Variants in ADRA1D observed in about 807,000 individuals in gnomAD.
ADRA1D encodes the protein alpha-1D adrenergic receptor.
In ADRA1D, 22 loss-of-function variants were observed where a neutral mutation model predicts 18.6. The observed-to-expected ratio is 1.19, with a 90% CI of 0.85 to 1.69. ADRA1D has a LOEUF of 1.69. ADRA1D is among the 40% of genes most tolerant of loss of function. The probability of loss-of-function intolerance (pLI) is 0.00; values close to 1 mark genes in which losing one functional copy is unlikely to be tolerated. For synonymous variants in ADRA1D, 376 were observed against 388.2 expected (o/e 0.97, Z 0.37); for missense variants, 840 against 840.7 (o/e 1.00, Z 0.01).
intron 1 of ADRA1D, among the ~76,000 whole-genome samples, chr20:4,242,363 T>C (rs973987169): frequency 6.6e-6 from 1 of 152,248 alleles, no homozygotes; most frequent in African/African-American, 2.4e-5. Flanking sequence ...CTACACGTTT[T>C]ACGTCTCCCA....
rs1189521097 is a variant in ADRA1D at position 4,225,143 on chromosome 20, A to G, written c.1112-3013T>C. Among the ~76,000 whole-genome samples, 11 of 151,924 alleles carry G rather than the reference A, an allele frequency of 7.2e-5. No individual in the cohort carries two copies. The East Asian group carries it at 2.1e-3, about 30-fold the overall frequency. Reference sequence around the variant, plus strand: ...CAGCCTCCTGAGTAGCTGGGACTACAGGCACGCACCACCATGCCCAGCTAA... The same window carrying G: ...CAGCCTCCTGAGTAGCTGGGACTACGGGCACGCACCACCATGCCCAGCTAA... On this transcript the variant is annotated intron_variant, in intron 1 of 1. Transcript: ENST00000379453.
rs967579916 is a variant in ADRA1D at position 4,233,560 on chromosome 20, A to G, written c.1112-11430T>C. Among the ~76,000 whole-genome samples the G allele has an allele frequency of 4.6e-5, 7 of 152,192 alleles. No homozygotes were observed. In the South Asian group the frequency reaches 1.2e-3, roughly 27 times the overall value. On this transcript the variant is annotated intron_variant, in intron 1 of 1. Transcript: ENST00000379453. ...ACCATGAGATCTGTTAGAAAAAAAA[A>G]TCCTTCAAGAAGAACCCCTATCTCA... is the stretch of plus-strand genomic sequence containing the variant.
At position 4,248,904 on chromosome 20, in the gene ADRA1D, G is replaced by T. The variant is rs1981432843; in HGVS notation, c.54C>A (p.Ser18Arg). 4 of 1,308,618 alleles carry T rather than the reference G, an allele frequency of 3.1e-6. No individual in the cohort carries two copies. Among genetic ancestry groups the T allele is most frequent in the Non-Finnish European group, 9.8e-7 (1 of 1,016,320 alleles). 81.1% of individuals were successfully genotyped at this position (1,308,618 alleles called of 1,614,324 possible). Residue 18 changes from serine (S) to arginine (R), a missense_variant, in exon 1 of 2, where the codon AGC becomes AGA. Transcript: ENST00000379453. ...SVSFEGPRPD[S>R]SAGGSSAGGG... ...CGCCCGCGCTGGAGCCCCCTGCGCT[G>T]CTGTCCGGGCGGGGTCCCTCGAAAC...
rs922148910 is a variant in ADRA1D at position 4,248,869 on chromosome 20, C to T, written c.89G>A (p.Gly30Asp). 2 of 1,071,562 alleles carry T rather than the reference C, an allele frequency of 1.9e-6. No homozygotes were observed. The highest frequency in any genetic ancestry group is 2.3e-6 in the Non-Finnish European group (2 of 882,442). The allele number at this position is 1,071,562 out of a possible 1,614,324, so 66.4% of individuals were successfully genotyped here. Residue 30 changes from glycine (G) to aspartate (D), a missense_variant, in exon 1 of 2, where the codon GGC (glycine) becomes GAC (aspartate). Transcript: ENST00000379453. ...CGAGGGGGCCGCGCCGCCCGCGCTG[C>T]CCCCGCCGCCGCCCGCGCTGGAGCC... ...AGGSSAGGGGGSAGGAAPSEG... is the reference protein window; with the variant it reads ...AGGSSAGGGGDSAGGAAPSEG...
At chr20:4,241,862 C>A (rs6084670) in intron 1 of ADRA1D, among the ~76,000 whole-genome samples, 97,012 of 152,074 alleles carry the variant, frequency 0.64, 32,915 homozygotes, top group Non-Finnish European at 0.76. Context: ...CAGCCTCCCC[C>A]CTGCCTCCTC....
intron 1 of ADRA1D, among the ~76,000 whole-genome samples, chr20:4,225,749 G>T (rs1400640628): frequency 2.6e-5 from 4 of 152,116 alleles, no homozygotes; most frequent in Admixed American, 2.0e-4. Context: ...CATTTCTGTG[G>T]CTTTTGAGTG....
chr20:4,248,159 T>C lies in ADRA1D; in HGVS notation c.799A>G (p.Met267Val). Residue 267 changes from methionine to valine, a missense_variant, in exon 1 of 2, where the codon ATG becomes GTG. Coordinates refer to ENST00000379453, the MANE Select transcript of ADRA1D (RefSeq NM_000678.4). ...CAGTACATGACCACGATGACCGCCA[T>C]GGGCAGGTAGAAGGAGCACACGGAG... is the stretch of plus-strand genomic sequence containing the variant. ...FSSVCSFYLP[M>V]AVIVVMYCRV... 6.3e-7 allele frequency: 1 copy of C among 1,581,730 alleles called. No homozygotes were observed. Among genetic ancestry groups the C allele is most frequent in the Non-Finnish European group, 8.6e-7 (1 of 1,163,906 alleles).
intron 1 of ADRA1D, among the ~76,000 whole-genome samples, chr20:4,223,361 G>A (rs759721246): frequency 2.0e-4 from 30 of 152,146 alleles, no homozygotes; most frequent in Non-Finnish European, 3.2e-4. Flanking sequence ...TTGAAAGCGT[G>A]ACTCTGAGAA....
chr20:4,229,720 A>G (rs1386718835), intron 1 of ADRA1D, among the ~76,000 whole-genome samples: 1 of 152,060 alleles, frequency 6.6e-6, no homozygotes, highest in African/African-American at 2.4e-5. Context: ...CCCACCCTCA[A>G]TGCGCCCTCC....
rs147062281 is a variant in ADRA1D at position 4,231,028 on chromosome 20, C to T, written c.1112-8898G>A. Among the ~76,000 whole-genome samples, 465 of 141,522 alleles carry T rather than the reference C, an allele frequency of 3.3e-3. 1 individual carries two copies. The highest frequency in any genetic ancestry group is 9.5e-3 in the African/African-American group (345 of 36,376). 92.8% of individuals were successfully genotyped at this position (141,522 alleles called of 152,430 possible). A position where few individuals can be genotyped will look rare whatever the true frequency, so the allele number is the denominator to read the frequency against. On this transcript the variant is annotated intron_variant, in intron 1 of 1. Coordinates refer to ENST00000379453, the MANE Select transcript of ADRA1D (RefSeq NM_000678.4). Reference sequence around the variant, plus strand: ...CTTCTTTGCTTTCTTTTCTCTTTCTCTTTCTTTCTTTTTCTTTCTTTCTTT... The same window carrying T: ...CTTCTTTGCTTTCTTTTCTCTTTCTTTTTCTTTCTTTTTCTTTCTTTCTTT...
intron 1 of ADRA1D, among the ~76,000 whole-genome samples, chr20:4,230,173 C>T (rs1035319992): frequency 2.6e-5 from 4 of 152,246 alleles, no homozygotes; most frequent in Admixed American, 2.6e-4. Context: ...CTGTCTGGCT[C>T]AGCTTGCTCT....
intron 1 of ADRA1D, among the ~76,000 whole-genome samples, chr20:4,226,581 A>G (rs1339428404): frequency 6.6e-6 from 1 of 152,192 alleles, no homozygotes; most frequent in Non-Finnish European, 1.5e-5. Context: ...CCCATCAGTC[A>G]TTGTTTGGGC....
In ADRA1D at chr20:4,221,850, G is replaced by T; in HGVS notation, c.1392C>A (p.Leu464=). Residue 464 remains leucine, a synonymous_variant, in exon 2 of 2, where the codon CTC becomes CTA. Transcript: ENST00000379453. ...CGGGGTCGGGGTCGGGGAGCGCGGTGAGGGCCAGCGGCGCTCCGGGGGGCG... is the reference window on the plus strand; with the variant it reads ...CGGGGTCGGGGTCGGGGAGCGCGGTTAGGGCCAGCGGCGCTCCGGGGGGCG... ...GDAPPGAPLA[L]TALPDPDPEP... is the part of the protein sequence containing the mutation. 2.0e-6 allele frequency: 3 copies of T among 1,480,182 alleles called. No individual in the cohort carries two copies. The highest frequency in any genetic ancestry group is 2.6e-5 in the East Asian group (1 of 38,416). 91.7% of individuals were successfully genotyped at this position (1,480,182 alleles called of 1,614,324 possible).
Position 4,222,125 on chromosome 20 carries a change from A to G in ADRA1D, c.1117T>C (p.Leu373=). 6.2e-7 allele frequency: 1 copy of G among 1,612,324 alleles called. No individual in the cohort carries two copies. Among genetic ancestry groups the G allele is most frequent in the South Asian group, 1.1e-5 (1 of 91,050 alleles). The change falls in exon 2 of 2, where the codon TTG becomes CTG. Residue 373 remains leucine, a synonymous_variant. Coordinates refer to ENST00000379453, the MANE Select transcript of ADRA1D (RefSeq NM_000678.4). The surrounding 1 kb of genome is among the most constrained non-coding windows in gnomAD (Gnocchi z 4.3). ...TCCGATGGCTTCAGCTGCGGGAACA[A>G]GGAGCCTGTAGGGAGCAGAGACCGA... is the stretch of plus-strand genomic sequence containing the variant. ...PFFFVLPLGS[L]FPQLKPSEGV... is the part of the protein sequence containing the mutation.
At chr20:4,232,501 C>T (rs1051215820) in intron 1 of ADRA1D, among the ~76,000 whole-genome samples, 80 of 152,204 alleles carry the variant, frequency 5.3e-4, no homozygotes, top group African/African-American at 1.9e-3. Flanking sequence ...GCTCCACGTC[C>T]ATCCATCCAG....
In ADRA1D at chr20:4,232,817, A is replaced by G. The variant is rs904953910; in HGVS notation, c.1112-10687T>C. 7.9e-5 allele frequency among the ~76,000 whole-genome samples: 12 copies of G among 152,306 alleles called. 1 individual carries two copies. The highest frequency in any genetic ancestry group is 2.4e-4 in the African/African-American group (10 of 41,576). ...TTCCCAAGGGGACAGCCTGCAGCCAATGACAGACTGATGTGGTGATAGAGA... is the reference window on the plus strand; with the variant it reads ...TTCCCAAGGGGACAGCCTGCAGCCAGTGACAGACTGATGTGGTGATAGAGA... On this transcript the variant is annotated intron_variant, in intron 1 of 1. Transcript: ENST00000379453.
In ADRA1D at chr20:4,230,145, C is replaced by T. The variant is rs541099767; in HGVS notation, c.1112-8015G>A. On this transcript the variant is annotated intron_variant, in intron 1 of 1. Coordinates refer to ENST00000379453, the MANE Select transcript of ADRA1D (RefSeq NM_000678.4). ...GACTTCGTATTCACAATTGCAATAT[C>T]CCCTAACCCTGTGCTCCCTGTCTGG... Among the ~76,000 whole-genome samples, 28 of 152,312 alleles carry T rather than the reference C, an allele frequency of 1.8e-4. No individual in the cohort carries two copies. The South Asian group carries it at 2.3e-3, about 12-fold the overall frequency.
Position 4,222,219 on chromosome 20 carries a change from C to T in ADRA1D, c.1112-89G>A. 1 of 1,506,458 alleles carries T rather than the reference C, an allele frequency of 6.6e-7. No individual in the cohort carries two copies. Among genetic ancestry groups the T allele is most frequent in the South Asian group, 1.3e-5 (1 of 77,872 alleles). 93.3% of individuals were successfully genotyped at this position (1,506,458 alleles called of 1,614,324 possible). ...GCGCAAAGGGGAGACCCTTCAGTAG[C>T]CTTGGCTGAGTCATTGACTAGGAGT... On this transcript the variant is annotated intron_variant, in intron 1 of 1. Transcript: ENST00000379453. The surrounding 1 kb of genome is among the most constrained non-coding windows in gnomAD (Gnocchi z 4.3).
At chr20:4,224,055 A>C (rs1980735848) in intron 1 of ADRA1D, among the ~76,000 whole-genome samples, 3 of 152,184 alleles carry the variant, frequency 2.0e-5, no homozygotes, top group African/African-American at 7.2e-5. Flanking sequence ...GCGGGCAAGA[A>C]AATACCAAGT....
Sources: gnomAD v4.1 joint callset for allele counts (sites outside exome capture counted in the v4.1 genomes callset) on GRCh38, gnomAD v4.1.1 for gene constraint, Gnocchi (gnomAD v3.1) non-coding constraint, MANE v1.5 for transcripts, NCBI Gene and HGNC (gene_info 2026-07-23, HGNC 2026-07-21) for gene names.